The following PCYT1B variants were observed in gnomAD, a reference collection of about 807,000 sequenced individuals.
The protein encoded by PCYT1B is phosphate cytidylyltransferase 1B, choline.
Under a neutral mutation model 26.4 loss-of-function variants are expected in PCYT1B, and 10 were observed. The observed-to-expected ratio is 0.38, with a 90% CI of 0.23 to 0.64. The LOEUF (loss-of-function observed/expected upper bound fraction) is 0.64, where lower values mean the gene tolerates loss of function less well. Among genes scored for constraint, PCYT1B ranks in the 30% least tolerant of loss-of-function variants. The pLI, the probability that PCYT1B is intolerant of heterozygous loss-of-function variation, is 0.56. For synonymous variants in PCYT1B, 131 were observed against 108.4 expected, an observed-to-expected ratio of 1.21 and a Z score of -1.29; for missense variants, 161 against 292.7, an observed-to-expected ratio of 0.55 and a Z score of 3.28.
chrX:24,667,014 G>A (rs1241638838), intron 1 of PCYT1B, among the ~76,000 whole-genome samples: 1 of 109,420 alleles, frequency 9.1e-6, no homozygotes, highest in Non-Finnish European at 1.9e-5. Context: ...CCAAAGAGGA[G>A]TTAGGGAAGG....
At chrX:24,591,330 C>T (rs1394830415) in intron 3 of PCYT1B, among the ~76,000 whole-genome samples, 1 of 111,673 alleles carries the variant, frequency 9.0e-6, no homozygotes, top group Non-Finnish European at 1.9e-5. Flanking sequence ...TACCAAGATC[C>T]CAGTGAGAGC....
chrX:24,579,598 A>G (rs1189293406), intron 5 of PCYT1B, 140 bp from the exon 6 acceptor site: 3 of 493,384 alleles, frequency 6.1e-6, no homozygotes, highest in Non-Finnish European at 1.0e-5. Flanking sequence ...GCCCCAAGTG[A>G]CTCTTCCACC....
intron 7 of PCYT1B, among the ~76,000 whole-genome samples, chrX:24,571,641 T>C (rs1225223607): frequency 1.1e-4 from 12 of 110,650 alleles, no homozygotes; most frequent in Non-Finnish European, 2.1e-4. Flanking sequence ...GGCACTGTAA[T>C]CCCAGTGGCT....
At chrX:24,615,760 G>A (rs1925470432) in intron 2 of PCYT1B, among the ~76,000 whole-genome samples, 1 of 111,899 alleles carries the variant, frequency 8.9e-6, no homozygotes, top group Admixed American at 9.6e-5. Flanking sequence ...TGACCGCAGC[G>A]TATGCAACAA....
chrX:24,660,048 C>T (rs1458727080), intron 1 of PCYT1B, among the ~76,000 whole-genome samples: 2 of 111,513 alleles, frequency 1.8e-5, no homozygotes, highest in African/African-American at 6.5e-5. Flanking sequence ...CTTTCAAAAA[C>T]ACTGAGGGCT....
rs188005754 is a variant in PCYT1B at position 24,646,537 on chromosome X, T to C, written c.117+452A>G. Among the ~76,000 whole-genome samples the C allele has an allele frequency of 3.1e-4, 35 of 111,479 alleles. 1 individual carries two copies. In the East Asian group the frequency reaches 9.3e-3, roughly 30 times the overall value. On this transcript the variant is annotated intron_variant, in intron 1 of 7. Transcript: ENST00000379144. ...AACGGATGGGGAAGTTTTGCTTCCA[T>C]GTTTCCATTTTTTTCCCCCCAAATT...
At chrX:24,584,443 T>C (rs1418631897) in intron 5 of PCYT1B, among the ~76,000 whole-genome samples, 1 of 112,404 alleles carries the variant, frequency 8.9e-6, no homozygotes, top group Non-Finnish European at 1.9e-5. Flanking sequence ...AGAGCAGACT[T>C]CCAAGTCCGA....
At chrX:24,602,142 C>A (rs1334541477) in intron 3 of PCYT1B, among the ~76,000 whole-genome samples, 20 of 111,984 alleles carry the variant, frequency 1.8e-4, no homozygotes, top group Non-Finnish European at 3.0e-4. Context: ...TACATCCAGA[C>A]AATGGAACAT....
intron 3 of PCYT1B, among the ~76,000 whole-genome samples, chrX:24,590,584 G>A (rs61761905): frequency 1.7e-3 from 190 of 110,981 alleles, no homozygotes; most frequent in African/African-American, 6.0e-3. Flanking sequence ...GGTTTGAATG[G>A]TTTGAACAAT....
At chrX:24,630,651 CA>C (rs1250806649) in intron 1 of PCYT1B, among the ~76,000 whole-genome samples, 1 of 112,177 alleles carries the variant, frequency 8.9e-6, no homozygotes, top group East Asian at 2.8e-4. Flanking sequence ...AAATGCATAT[CA>C]CAGTCCTCTA....
At chrX:24,655,157 T>G (rs186831477) in intron 1 of PCYT1B, among the ~76,000 whole-genome samples, 1 of 112,326 alleles carries the variant, frequency 8.9e-6, no homozygotes, top group East Asian at 2.8e-4. Context: ...ATGAACAAAT[T>G]CAGAGCAGTT....
At chrX:24,596,821 A>G (rs926259947) in intron 3 of PCYT1B, among the ~76,000 whole-genome samples, 2 of 111,189 alleles carry the variant, frequency 1.8e-5, no homozygotes, top group Non-Finnish European at 3.8e-5. Context: ...CGCTCCACCC[A>G]AGGGAACTCC....
chrX:24,667,650 G>A (rs1314554631), intron 1 of PCYT1B, among the ~76,000 whole-genome samples: 1 of 109,637 alleles, frequency 9.1e-6, no homozygotes, highest in East Asian at 2.8e-4. Flanking sequence ...CCGGGAGATG[G>A]AGGTTGCAGT....
chrX:24,562,997 GATT>G (rs756460936), intron 7 of PCYT1B, among the ~76,000 whole-genome samples: 112 of 111,721 alleles, frequency 1.0e-3, no homozygotes, highest in African/African-American at 3.4e-3. Context: ...AAAGTGCTGG[GATT>G]ACAGGCGTGA....
intron 3 of PCYT1B, among the ~76,000 whole-genome samples, chrX:24,596,009 T>C (rs771541996): frequency 7.1e-5 from 8 of 112,421 alleles, no homozygotes; most frequent in Admixed American, 1.9e-4. Flanking sequence ...AATCTTTATG[T>C]CTTCTATAGT....
intron 6 of PCYT1B, among the ~76,000 whole-genome samples, chrX:24,578,807 T>C (rs2148226910): frequency 9.0e-6 from 1 of 111,584 alleles, no homozygotes; most frequent in African/African-American, 3.3e-5. Context: ...CTAAAAACTC[T>C]AAAGAGAGAG....
At chrX:24,628,101 T>TAG in intron 1 of PCYT1B, among the ~76,000 whole-genome samples, 1 of 111,668 alleles carries the variant, frequency 9.0e-6, no homozygotes, top group Middle Eastern at 4.2e-3. Flanking sequence ...AGGACTAAGC[T>TAG]AGAGATGCAG....
At chrX:24,566,643 C>T (rs1454469960) in intron 7 of PCYT1B, among the ~76,000 whole-genome samples, 1 of 111,419 alleles carries the variant, frequency 9.0e-6, no homozygotes, top group Admixed American at 9.6e-5. Flanking sequence ...GTAACCCATG[C>T]AAGGAGATCA....
intron 1 of PCYT1B, among the ~76,000 whole-genome samples, chrX:24,663,195 G>A (rs139901876): frequency 1.8e-5 from 2 of 112,245 alleles, no homozygotes; most frequent in East Asian, 5.6e-4. Context: ...ATAAAAACTG[G>A]TCACCTTGCT....
Sources: gnomAD v4.1 joint callset for allele counts (sites outside exome capture counted in the v4.1 genomes callset) on GRCh38, gnomAD v4.1.1 for gene constraint, MANE v1.5 for transcripts, NCBI Gene and HGNC (gene_info 2026-07-23, HGNC 2026-07-21) for gene names.